The following SNAP91 variants were observed in gnomAD, a reference collection of about 807,000 sequenced individuals.
SNAP91 encodes clathrin coat assembly protein AP180.
A neutral mutation model predicts 100.3 loss-of-function variants in SNAP91; 27 were observed. That is an observed-to-expected ratio of 0.27 (90% CI 0.20 to 0.37). The LOEUF (loss-of-function observed/expected upper bound fraction) is 0.37, where lower values mean the gene tolerates loss of function less well. Ranked by LOEUF, SNAP91 falls within the 10% of genes least tolerant of loss-of-function variation. SNAP91 has a pLI of 1.00. For missense variants in SNAP91, 986 were observed against 1,123.7 expected, an observed-to-expected ratio of 0.88 and a Z score of 1.75; for synonymous variants, 404 against 398.6, an observed-to-expected ratio of 1.01 and a Z score of -0.16.
intron 7 of SNAP91, among the ~76,000 whole-genome samples, chr6:83,643,403 C>T (rs1400765588): frequency 4.6e-5 from 7 of 152,186 alleles, no homozygotes; most frequent in African/African-American, 1.7e-4. Flanking sequence ...CAGCTTTCTA[C>T]ATATGGCTAG....
At chr6:83,640,198 T>C (rs2097635609) in intron 8 of SNAP91, among the ~76,000 whole-genome samples, 1 of 152,152 alleles carries the variant, frequency 6.6e-6, no homozygotes, top group South Asian at 2.1e-4. Context: ...TTATTACTTC[T>C]ATGAATAAAA....
chr6:83,645,745 G>A (rs1252385186), intron 7 of SNAP91, among the ~76,000 whole-genome samples: 2 of 152,120 alleles, frequency 1.3e-5, no homozygotes, highest in East Asian at 3.9e-4. Context: ...CAGCTACTCG[G>A]GAGGCTGAGG....
intron 2 of SNAP91, among the ~76,000 whole-genome samples, chr6:83,691,386 T>G (rs2099128304): frequency 6.6e-6 from 1 of 152,188 alleles, no homozygotes; most frequent in African/African-American, 2.4e-5. Context: ...ATGGTTCTAC[T>G]CAGTCTTGTC....
chr6:83,569,136 ATAAC>A (rs1443399754), intron 26 of SNAP91, among the ~76,000 whole-genome samples: 9 of 152,208 alleles, frequency 5.9e-5, no homozygotes, highest in Non-Finnish European at 1.3e-4. Context: ...TAAAGATAAA[ATAAC>A]TATGCATAAG....
intron 26 of SNAP91, among the ~76,000 whole-genome samples, chr6:83,562,656 C>T (rs1789850434): frequency 6.6e-6 from 1 of 152,180 alleles, no homozygotes; most frequent in African/African-American, 2.4e-5. Flanking sequence ...CTGTCCCCCA[C>T]ACTCTGCAGA....
chr6:83,665,297 T>A, intron 3 of SNAP91, 142 bp downstream of exon 3: 1 of 782,026 alleles, frequency 1.3e-6, no homozygotes, highest in East Asian at 2.6e-5. Flanking sequence ...AGATTAAACT[T>A]GTATTCTAGA....
At chr6:83,623,979 T>C (rs2096834583) in intron 8 of SNAP91, among the ~76,000 whole-genome samples, 1 of 152,090 alleles carries the variant, frequency 6.6e-6, no homozygotes, top group African/African-American at 2.4e-5. Context: ...TGCATAGAAC[T>C]TCCTTGTCCT....
chr6:83,641,104 C>A lies in SNAP91; in HGVS notation c.757G>T (p.Val253Phe). 6.6e-7 allele frequency: 1 copy of A among 1,518,894 alleles called. No homozygotes were observed. The highest frequency in any genetic ancestry group is 1.3e-5 in the South Asian group (1 of 77,616). 94.1% of individuals were successfully genotyped at this position (1,518,894 alleles called of 1,614,324 possible). A position where few individuals can be genotyped will look rare whatever the true frequency, so the allele number is the denominator to read the frequency against. Residue 253 changes from valine (V) to phenylalanine (F), a missense_variant, in exon 8 of 30, where the codon GTT becomes TTT. This residue lies in a region of SNAP91 where 330 missense variants were observed against 447.5 expected (regional missense o/e 0.74). Coordinates refer to ENST00000369694, the MANE Select transcript of SNAP91 (RefSeq NM_001242792.2). ...AACTTAATATTACTTACCTCTGCAA[C>A]CTTGAGAAATTCAGACACTCGTGTC... ...RMTRVSEFLK[V>F]AEQVGIDKGD... is the part of the protein sequence containing the mutation.
chr6:83,651,260 C>G (rs879279792), intron 7 of SNAP91, among the ~76,000 whole-genome samples: 4 of 151,906 alleles, frequency 2.6e-5, no homozygotes, highest in Non-Finnish European at 5.9e-5. Flanking sequence ...GATTTACGCT[C>G]TAATTCTTAT....
At chr6:83,668,017 A>G (rs558759577) in intron 2 of SNAP91, among the ~76,000 whole-genome samples, 17 of 152,280 alleles carry the variant, frequency 1.1e-4, no homozygotes, top group Middle Eastern at 3.4e-3. Flanking sequence ...ACAAGTGGGC[A>G]AAGGATATGA....
intron 29 of SNAP91, among the ~76,000 whole-genome samples, chr6:83,555,204 C>A: frequency 6.7e-6 from 1 of 148,466 alleles, no homozygotes; most frequent in Non-Finnish European, 1.5e-5. Context: ...TAGAATAATG[C>A]ATCATTAATC....
chr6:83,577,618 A>G (rs758700133), intron 24 of SNAP91, among the ~76,000 whole-genome samples: 1 of 152,186 alleles, frequency 6.6e-6, no homozygotes, highest in Non-Finnish European at 1.5e-5. Flanking sequence ...GGAGATTAGC[A>G]TGCAGGAGAT....
intron 2 of SNAP91, among the ~76,000 whole-genome samples, chr6:83,681,012 T>C (rs1008197006): frequency 5.3e-5 from 8 of 152,124 alleles, no homozygotes; most frequent in Non-Finnish European, 1.2e-4. Flanking sequence ...TATGTGTGCA[T>C]AGTGCTTACA....
chr6:83,673,627 A>T (rs986810068), intron 2 of SNAP91, among the ~76,000 whole-genome samples: 1 of 152,228 alleles, frequency 6.6e-6, no homozygotes, highest in African/African-American at 2.4e-5. Context: ...AATTGTTGCT[A>T]TCCAGACAAT....
intron 2 of SNAP91, among the ~76,000 whole-genome samples, chr6:83,705,109 A>G (rs2099360754): frequency 6.6e-6 from 1 of 152,226 alleles, no homozygotes; most frequent in South Asian, 2.1e-4. Flanking sequence ...TTAGAATAGT[A>G]CATATTAGTA....
At chr6:83,574,892 C>T in intron 26 of SNAP91, 118 bp downstream of exon 26, 1 of 624,058 alleles carries the variant, frequency 1.6e-6, no homozygotes. Flanking sequence ...GCTTATATTT[C>T]TTCAATGCAG....
At chr6:83,701,577 G>C (rs1360320192) in intron 2 of SNAP91, among the ~76,000 whole-genome samples, 1 of 151,996 alleles carries the variant, frequency 6.6e-6, no homozygotes, top group Non-Finnish European at 1.5e-5. Flanking sequence ...CTCCTGAGTA[G>C]CTGGGATTAC....
intron 8 of SNAP91, among the ~76,000 whole-genome samples, chr6:83,639,175 G>A (rs1412234040): frequency 6.6e-6 from 1 of 152,138 alleles, no homozygotes; most frequent in Non-Finnish European, 1.5e-5. Context: ...GTCTTCCTGA[G>A]ACTCTTCAGG....
At chr6:83,651,212 T>A (rs1047473910) in intron 7 of SNAP91, among the ~76,000 whole-genome samples, 3 of 152,156 alleles carry the variant, frequency 2.0e-5, no homozygotes, top group African/African-American at 7.2e-5. Context: ...TTTGGTTTCA[T>A]CATTTTTTTC....
Sources: allele counts gnomAD v4.1 joint callset (sites outside exome capture counted in the v4.1 genomes callset), GRCh38; gene constraint gnomAD v4.1.1; regional missense constraint gnomAD v4.1.1; transcripts MANE v1.5; gene names NCBI Gene and HGNC (gene_info 2026-07-23, HGNC 2026-07-21).